Variants in NRG3 observed in about 807,000 individuals in gnomAD.
NRG3 encodes the protein pro-neuregulin-3, membrane-bound isoform.
In NRG3, 31 loss-of-function variants were observed where a neutral mutation model predicts 66.9. The observed-to-expected ratio is 0.46, with a 90% CI of 0.35 to 0.63. The LOEUF is 0.63. Among genes scored for constraint, NRG3 ranks in the 20% least tolerant of loss-of-function variants. NRG3 has a pLI of 0.00. For synonymous variants in NRG3, 393 were observed against 359.4 expected (o/e 1.09, Z -1.06); for missense variants, 910 against 878.9 (o/e 1.04, Z -0.45).
intron 1 of NRG3, among the ~76,000 whole-genome samples, chr10:82,354,349 C>T (rs1346589504): frequency 1.3e-5 from 2 of 151,202 alleles, no homozygotes; most frequent in African/African-American, 4.9e-5. Context: ...TGTGATACCA[C>T]TTTTTAACAC....
intron 2 of NRG3, among the ~76,000 whole-genome samples, chr10:82,640,166 C>T (rs2050473029): frequency 6.6e-6 from 1 of 152,124 alleles, no homozygotes. Context: ...TGGGTATATA[C>T]CCAAAGAAAT....
chr10:82,098,530 T>C (rs1211642733), intron 1 of NRG3, among the ~76,000 whole-genome samples: 1 of 152,082 alleles, frequency 6.6e-6, no homozygotes, highest in African/African-American at 2.4e-5. Flanking sequence ...GAGGGTACAG[T>C]GTAGGAGAAG....
intron 1 of NRG3, among the ~76,000 whole-genome samples, chr10:81,942,695 G>T (rs181044662): frequency 1.2e-4 from 19 of 152,200 alleles, no homozygotes; most frequent in Admixed American, 3.3e-4. Flanking sequence ...AATTTCTCAT[G>T]CAATTTCCAA....
At chr10:82,129,612 T>A (rs1467630782) in intron 1 of NRG3, among the ~76,000 whole-genome samples, 1 of 152,186 alleles carries the variant, frequency 6.6e-6, no homozygotes, top group Non-Finnish European at 1.5e-5. Flanking sequence ...AGTCTCACTC[T>A]GTTGCCCAGG....
At chr10:82,056,102 C>T (rs908199849) in intron 1 of NRG3, among the ~76,000 whole-genome samples, 1 of 152,074 alleles carries the variant, frequency 6.6e-6, no homozygotes, top group African/African-American at 2.4e-5. Flanking sequence ...AATTTTGTCC[C>T]ATCATAGTAC....
At chr10:82,304,493 T>C (rs765737520) in intron 1 of NRG3, among the ~76,000 whole-genome samples, 1 of 152,238 alleles carries the variant, frequency 6.6e-6, no homozygotes, top group Non-Finnish European at 1.5e-5. Flanking sequence ...TGAAATATTT[T>C]TGTAGTTGAA....
At chr10:82,438,094 A>G (rs908809112) in intron 2 of NRG3, among the ~76,000 whole-genome samples, 4 of 152,118 alleles carry the variant, frequency 2.6e-5, no homozygotes, top group South Asian at 2.1e-4. Context: ...AGTGTGCTTC[A>G]CTGGGGGGAA....
intron 1 of NRG3, among the ~76,000 whole-genome samples, chr10:82,241,594 C>A (rs1422604863): frequency 6.6e-6 from 1 of 152,080 alleles, no homozygotes; most frequent in Non-Finnish European, 1.5e-5. Context: ...TGACTAATGG[C>A]AAAAGGTGTA....
At chr10:82,335,365 A>T (rs370426358) in intron 1 of NRG3, among the ~76,000 whole-genome samples, 4 of 152,136 alleles carry the variant, frequency 2.6e-5, no homozygotes, top group South Asian at 4.1e-4. Context: ...TAGACAACCT[A>T]GGAACCCTTT....
chr10:82,814,773 T>C (rs1182418579), intron 3 of NRG3, among the ~76,000 whole-genome samples: 3 of 152,230 alleles, frequency 2.0e-5, no homozygotes, highest in Admixed American at 6.5e-5. Context: ...TCATCTTACT[T>C]CATTCTCAGC....
At chr10:82,131,897 T>G (rs2068847830) in intron 1 of NRG3, among the ~76,000 whole-genome samples, 1 of 152,144 alleles carries the variant, frequency 6.6e-6, no homozygotes, top group Non-Finnish European at 1.5e-5. Flanking sequence ...TTTTCCAACT[T>G]TGCTCAGTTT....
intron 1 of NRG3, among the ~76,000 whole-genome samples, chr10:81,975,106 A>G (rs1291859517): frequency 1.4e-5 from 2 of 142,992 alleles, no homozygotes; most frequent in Non-Finnish European, 3.0e-5. Context: ...AAAGGCTTTG[A>G]AAAAAAAAAG....
intron 3 of NRG3, among the ~76,000 whole-genome samples, chr10:82,777,026 T>C (rs1591489867): frequency 6.6e-6 from 1 of 152,178 alleles, no homozygotes; most frequent in African/African-American, 2.4e-5. Context: ...TCTGTGCATC[T>C]AGAGGAACAG....
At chr10:82,017,384 T>G (rs2061834750) in intron 1 of NRG3, among the ~76,000 whole-genome samples, 1 of 152,226 alleles carries the variant, frequency 6.6e-6, no homozygotes, top group South Asian at 2.1e-4. Flanking sequence ...TTTTGAGTAG[T>G]GCCGCAATAA....
At chr10:82,025,640 C>A (rs969183401) in intron 1 of NRG3, among the ~76,000 whole-genome samples, 11 of 152,030 alleles carry the variant, frequency 7.2e-5, no homozygotes, top group Admixed American at 7.2e-4. Context: ...CTTACCAATA[C>A]TAAAATTAAG....
At chr10:82,821,838 C>T (rs1390706473) in intron 3 of NRG3, among the ~76,000 whole-genome samples, 1 of 152,122 alleles carries the variant, frequency 6.6e-6, no homozygotes, top group African/African-American at 2.4e-5. Context: ...CATAAAAAGG[C>T]TGACACTCAA....
chr10:82,318,979 T>C (rs1398172103), intron 1 of NRG3, among the ~76,000 whole-genome samples: 2 of 152,162 alleles, frequency 1.3e-5, no homozygotes, highest in African/African-American at 4.8e-5. Flanking sequence ...CTTTTCCTTG[T>C]GCAGAAAAAA....
chr10:82,563,336 C>T (rs2045179884), intron 2 of NRG3, among the ~76,000 whole-genome samples: 1 of 152,050 alleles, frequency 6.6e-6, no homozygotes, highest in Non-Finnish European at 1.5e-5. Flanking sequence ...CTCAGGGTTT[C>T]ACCGGGAGTT....
intron 1 of NRG3, among the ~76,000 whole-genome samples, chr10:82,351,193 C>G (rs1178776531): frequency 6.6e-6 from 1 of 152,188 alleles, no homozygotes; most frequent in Admixed American, 6.5e-5. Flanking sequence ...TCGCACCCGG[C>G]CGTGTTAACT....
Sources: allele counts gnomAD v4.1 joint callset (sites outside exome capture counted in the v4.1 genomes callset), GRCh38; gene constraint gnomAD v4.1.1; transcripts MANE v1.5; gene names NCBI Gene and HGNC (gene_info 2026-07-23, HGNC 2026-07-21).